ATF7IP2: variants seen among roughly 807,000 people sequenced by gnomAD.
The protein encoded by ATF7IP2 is activating transcription factor 7-interacting protein 2.
Under a neutral mutation model 64.2 loss-of-function variants are expected in ATF7IP2, and 42 were observed. That is an observed-to-expected ratio of 0.65 (90% CI 0.51 to 0.85). ATF7IP2 has a LOEUF of 0.85. Among genes scored for constraint, ATF7IP2 ranks in the 40% least tolerant of loss-of-function variants. ATF7IP2 has a pLI of 0.00. For missense variants in ATF7IP2, 933 were observed against 784.2 expected (o/e 1.19, Z -2.27); for synonymous variants, 308 against 272.8 (o/e 1.13, Z -1.27).
intron 10 of ATF7IP2, among the ~76,000 whole-genome samples, chr16:10,473,170 A>T (rs914561696): frequency 9.2e-5 from 14 of 152,220 alleles, no homozygotes; most frequent in Non-Finnish European, 1.2e-4. Flanking sequence ...TAGTCTAAAA[A>T]TACTGTGAAT....
chr16:10,447,278 C>G (rs960622048), intron 8 of ATF7IP2: 1 of 152,268 alleles, frequency 6.6e-6, no homozygotes, highest in East Asian at 1.9e-4. Flanking sequence ...TCCTTGTCTT[C>G]TCGCGTTGCT....
intron 3 of ATF7IP2, among the ~76,000 whole-genome samples, chr16:10,423,766 A>G (rs1253326675): frequency 6.6e-6 from 1 of 152,082 alleles, no homozygotes. Flanking sequence ...CCTCCTCCTC[A>G]TCAGTGTGAA....
At chr16:10,448,271 A>G (rs1471403103) in intron 8 of ATF7IP2, 3 of 152,184 alleles carry the variant, frequency 2.0e-5, no homozygotes, top group African/African-American at 7.2e-5. Flanking sequence ...TTTTGGTTCC[A>G]TATGAAATTT....
At chr16:10,387,939 T>C (rs1164637625) in intron 1 of ATF7IP2, among the ~76,000 whole-genome samples, 1 of 151,798 alleles carries the variant, frequency 6.6e-6, no homozygotes, top group Non-Finnish European at 1.5e-5. Flanking sequence ...GATTCGCTCT[T>C]TGGCTCAGGC....
chr16:10,431,682 G>A (rs1006315761), intron 5 of ATF7IP2, among the ~76,000 whole-genome samples: 1 of 152,112 alleles, frequency 6.6e-6, no homozygotes, highest in Admixed American at 6.5e-5. Context: ...TTTTCCTTAA[G>A]TACAAAATAT....
Position 10,431,344 on chromosome 16 carries a change from A to G in ATF7IP2, c.724A>G (p.Asn242Asp), listed in dbSNP as rs2048245086. Residue 242 changes from asparagine to aspartate, a missense_variant, in exon 5 of 14, where the codon AAC becomes GAC. Asn to Asp is a conservative substitution (Grantham distance 23, BLOSUM62 1). Coordinates refer to ENST00000562102, the MANE Select transcript of ATF7IP2 (RefSeq NM_001393719.1). ...TPNLVNSVTSNNCADDILKTD... is the reference protein window; with the variant it reads ...TPNLVNSVTSDNCADDILKTD... Reference sequence around the variant, plus strand: ...TAATTTGGTGAATTCAGTCACTTCTAACAACTGTGCTGATGACATTTTGAA... The same window carrying G: ...TAATTTGGTGAATTCAGTCACTTCTGACAACTGTGCTGATGACATTTTGAA... 1 of 1,614,224 alleles carries G rather than the reference A, an allele frequency of 6.2e-7. No individual in the cohort carries two copies.
At chr16:10,425,913 G>C (rs773076534) in intron 3 of ATF7IP2, among the ~76,000 whole-genome samples, 1 of 151,502 alleles carries the variant, frequency 6.6e-6, no homozygotes, top group African/African-American at 2.4e-5. Context: ...AAAAGTTAAA[G>C]GTAAAGGATG....
At chr16:10,463,209 G>A (rs1175998723) in intron 9 of ATF7IP2, among the ~76,000 whole-genome samples, 1 of 152,068 alleles carries the variant, frequency 6.6e-6, no homozygotes, top group Non-Finnish European at 1.5e-5. Flanking sequence ...ATTGTATATT[G>A]GAAACTGTAA....
In ATF7IP2 at chr16:10,431,460, G is replaced by C; in HGVS notation, c.835+5G>C. 6.4e-7 allele frequency: 1 copy of C among 1,551,728 alleles called. No individual in the cohort carries two copies. The highest frequency in any genetic ancestry group is 1.2e-5 in the South Asian group (1 of 84,018). ...CACTTGACACTAATAACAACAGTAA[G>C]TATATACTTATGCACCTTTTAGAAA... On this transcript the variant is annotated splice_donor_5th_base_variant and intron_variant, in intron 5 of 13. Transcript: ENST00000562102.
At chr16:10,445,760 G>C (rs1169811819) in intron 8 of ATF7IP2, 1 of 152,206 alleles carries the variant, frequency 6.6e-6, no homozygotes, top group African/African-American at 2.4e-5. Context: ...GCCCACCTCG[G>C]CCTCCCAAAG....
intron 9 of ATF7IP2, among the ~76,000 whole-genome samples, chr16:10,466,516 G>A (rs987836124): frequency 3.3e-5 from 5 of 151,938 alleles, no homozygotes; most frequent in Non-Finnish European, 5.9e-5. Context: ...TTATTACTGC[G>A]TATCCTTGCC....
intron 2 of ATF7IP2, 50 bp downstream of exon 2, chr16:10,414,662 T>TGTGTG (rs2047834986): frequency 3.0e-5 from 1 of 32,896 alleles, no homozygotes; most frequent in Non-Finnish European, 4.9e-5. Flanking sequence ...TGTGTGTGTG[T>TGTGTG]TTGGGCGGGG....
chr16:10,443,076 G>A (rs573569827), intron 8 of ATF7IP2, among the ~76,000 whole-genome samples: 2 of 152,112 alleles, frequency 1.3e-5, no homozygotes, highest in African/African-American at 4.8e-5. Context: ...TGAAAGGGAT[G>A]GCCAATTGAA....
At chr16:10,403,975 C>T (rs916864712) in intron 1 of ATF7IP2, among the ~76,000 whole-genome samples, 1 of 151,994 alleles carries the variant, frequency 6.6e-6, no homozygotes, top group East Asian at 1.9e-4. Flanking sequence ...AACAGTATTT[C>T]CAAAGGGAAA....
intron 6 of ATF7IP2, among the ~76,000 whole-genome samples, chr16:10,435,292 G>A (rs776531385): frequency 6.6e-6 from 1 of 152,312 alleles, no homozygotes; most frequent in Middle Eastern, 3.4e-3. Context: ...GAGCATGGCC[G>A]GGTTAATTCC....
At chr16:10,429,916 G>A (rs71381153) in intron 4 of ATF7IP2, among the ~76,000 whole-genome samples, 11,352 of 150,354 alleles carry the variant, frequency 0.076, 508 homozygotes, top group African/African-American at 0.12. Flanking sequence ...ACAGTGGCGC[G>A]ATGTTGGCTC....
intron 12 of ATF7IP2, among the ~76,000 whole-genome samples, chr16:10,479,707 G>C (rs73499913): frequency 0.016 from 2,462 of 150,636 alleles, 56 homozygotes; most frequent in African/African-American, 0.056. Flanking sequence ...CTCAAAAGAA[G>C]ACGTACATTT....
At chr16:10,402,269 T>C (rs2047549850) in intron 1 of ATF7IP2, among the ~76,000 whole-genome samples, 1 of 152,190 alleles carries the variant, frequency 6.6e-6, no homozygotes, top group Non-Finnish European at 1.5e-5. Context: ...GAAGTTTTAG[T>C]ATGTCGTTTT....
chr16:10,421,467 C>T (rs1018976698), intron 3 of ATF7IP2, among the ~76,000 whole-genome samples: 1 of 152,184 alleles, frequency 6.6e-6, no homozygotes, highest in Non-Finnish European at 1.5e-5. Context: ...GGAATGCCTA[C>T]AGCAGGTTGT....
Sources: allele counts gnomAD v4.1 joint callset (sites outside exome capture counted in the v4.1 genomes callset), GRCh38; gene constraint gnomAD v4.1.1; transcripts MANE v1.5; gene names NCBI Gene and HGNC (gene_info 2026-07-23, HGNC 2026-07-21).